The following TMEM63C variants were observed in gnomAD, a reference collection of about 807,000 sequenced individuals.
TMEM63C encodes osmosensitive cation channel TMEM63C.
A neutral mutation model predicts 99.2 loss-of-function variants in TMEM63C; 32 were observed. That is an observed-to-expected ratio of 0.32 (90% confidence interval 0.24 to 0.43). The LOEUF (loss-of-function observed/expected upper bound fraction) is 0.43, where lower values mean the gene tolerates loss of function less well. Among genes scored for constraint, TMEM63C ranks in the 20% least tolerant of loss-of-function variants. The probability of loss-of-function intolerance (pLI) is 1.00; values close to 1 mark genes in which losing one functional copy is unlikely to be tolerated. For missense variants in TMEM63C, 826 were observed against 1,053.0 expected (o/e 0.78, Z 2.98); for synonymous variants, 376 against 397.9 (o/e 0.94, Z 0.66).
chr14:77,202,414 T>C (rs1486571144), intron 1 of TMEM63C, among the ~76,000 whole-genome samples: 4 of 152,102 alleles, frequency 2.6e-5, no homozygotes, highest in Admixed American at 6.5e-5. Context: ...AACTGTGTGG[T>C]TCTGAACAAC....
intron 1 of TMEM63C, among the ~76,000 whole-genome samples, chr14:77,188,478 G>A (rs1318789910): frequency 2.0e-5 from 3 of 152,162 alleles, no homozygotes; most frequent in African/African-American, 2.4e-5. Context: ...TATGACCAAC[G>A]ATTTCACATC....
intron 2 of TMEM63C, among the ~76,000 whole-genome samples, chr14:77,216,057 A>G (rs1888579356): frequency 6.6e-6 from 1 of 152,066 alleles, no homozygotes; most frequent in African/African-American, 2.4e-5. Flanking sequence ...TGAAAGAGAG[A>G]TAGAGAGGGA....
chr14:77,248,249 C>T (rs995607639), intron 18 of TMEM63C, 98 bp from the exon 19 acceptor site: 6 of 1,073,526 alleles, frequency 5.6e-6, no homozygotes, highest in African/African-American at 1.6e-5. Flanking sequence ...CACTCCGATT[C>T]CCATTCCCTC....
At chr14:77,229,844 T>C (rs969546101) in intron 6 of TMEM63C, among the ~76,000 whole-genome samples, 3 of 152,054 alleles carry the variant, frequency 2.0e-5, no homozygotes, top group Non-Finnish European at 4.4e-5. Flanking sequence ...CTATGAGCAC[T>C]TGTTGCTTTT....
intron 9 of TMEM63C, among the ~76,000 whole-genome samples, chr14:77,238,193 C>G (rs1208575576): frequency 2.0e-5 from 3 of 152,192 alleles, no homozygotes; most frequent in Non-Finnish European, 2.9e-5. Flanking sequence ...TACCCTCTCC[C>G]CAGAGTCTTG....
In TMEM63C at chr14:77,239,703, A is replaced by G; in HGVS notation, c.907A>G (p.Lys303Glu). 6.2e-7 allele frequency: 1 copy of G among 1,613,210 alleles called. No homozygotes were observed. The highest frequency in any genetic ancestry group is 8.5e-7 in the Non-Finnish European group (1 of 1,179,716). Residue 303 changes from lysine to glutamate, a missense_variant, in exon 12 of 24, where the codon AAG (lysine) becomes GAG (glutamate). Lys to Glu is a moderately conservative substitution (Grantham distance 56). Transcript: ENST00000298351. ...CCCCTGTGCCCGCCTGTGCTTCTGCAAGTGCTGGACCTGCTTCAAGGAGGT... is the reference window on the plus strand; with the variant it reads ...CCCCTGTGCCCGCCTGTGCTTCTGCGAGTGCTGGACCTGCTTCAAGGAGGT... ...IHPCARLCFC[K>E]CWTCFKEVDA...
chr14:77,239,120 C>T (rs1889111472), intron 10 of TMEM63C, among the ~76,000 whole-genome samples: 1 of 152,244 alleles, frequency 6.6e-6, no homozygotes, highest in African/African-American at 2.4e-5. Flanking sequence ...CCCAAGGACA[C>T]TGTTCACTGA....
intron 22 of TMEM63C, 52 bp from the exon 23 acceptor site, chr14:77,253,253 G>T: frequency 6.4e-7 from 1 of 1,550,622 alleles, no homozygotes; most frequent in East Asian, 2.3e-5. Flanking sequence ...TGGATGAATG[G>T]GGAGGGGCAA....
intron 8 of TMEM63C, 101 bp from the exon 9 acceptor site, chr14:77,236,522 GC>G: frequency 1.3e-6 from 1 of 786,998 alleles, no homozygotes; most frequent in Non-Finnish European, 2.2e-6. Flanking sequence ...GGGCTGGGGG[GC>G]CCCAGGAGAC....
chr14:77,202,825 GCA>G (rs60544528), intron 1 of TMEM63C, among the ~76,000 whole-genome samples: 1,586 of 141,036 alleles, frequency 0.011, 29 homozygotes, highest in African/African-American at 0.029. Flanking sequence ...ACAGGCAGGC[GCA>G]CACACACACA....
chr14:77,250,103 G>A (rs1371551336), intron 21 of TMEM63C, among the ~76,000 whole-genome samples: 1 of 152,190 alleles, frequency 6.6e-6, no homozygotes, highest in Non-Finnish European at 1.5e-5. Flanking sequence ...CCAAAGTGCT[G>A]GGATTATAAG....
chr14:77,194,557 T>TTCTTTTTCTTTCGTTCTTTCTG (rs1555346145), intron 1 of TMEM63C, among the ~76,000 whole-genome samples: 1 of 118,570 alleles, frequency 8.4e-6, no homozygotes, highest in African/African-American at 3.4e-5. Flanking sequence ...TTCTTTCTCT[T>TTCTTTTTCTTTCGTTCTTTCTG]TCTTTCTTTC....
intron 13 of TMEM63C, among the ~76,000 whole-genome samples, chr14:77,241,669 T>C (rs1049570577): frequency 2.6e-5 from 4 of 152,256 alleles, no homozygotes; most frequent in Admixed American, 6.5e-5. Flanking sequence ...GCAAATTTGG[T>C]TACTGATATC....
chr14:77,203,963 C>T (rs1301594291), intron 1 of TMEM63C, among the ~76,000 whole-genome samples: 1 of 152,258 alleles, frequency 6.6e-6, no homozygotes, highest in Non-Finnish European at 1.5e-5. Context: ...TCACCTCCTT[C>T]TCCTCCTTCC....
intron 18 of TMEM63C, among the ~76,000 whole-genome samples, chr14:77,247,381 A>G (rs1042656397): frequency 1.3e-5 from 2 of 152,102 alleles, no homozygotes. Context: ...TTGTATTTTT[A>G]ATAGAGGTGG....
chr14:77,215,558 G>A (rs1888564229), intron 2 of TMEM63C, among the ~76,000 whole-genome samples: 1 of 138,082 alleles, frequency 7.2e-6, no homozygotes, highest in Non-Finnish European at 1.5e-5. Context: ...CCAAGATGGT[G>A]CCACTGCACT....
chr14:77,238,239 G>T (rs1889094849), intron 9 of TMEM63C, among the ~76,000 whole-genome samples: 1 of 152,222 alleles, frequency 6.6e-6, no homozygotes, highest in African/African-American at 2.4e-5. Context: ...TCTCACGTGA[G>T]GGATTTCCCT....
At chr14:77,254,773 A>C (rs905208276) in intron 23 of TMEM63C, among the ~76,000 whole-genome samples, 2 of 152,194 alleles carry the variant, frequency 1.3e-5, no homozygotes, top group African/African-American at 4.8e-5. Flanking sequence ...ATCTTGCCTT[A>C]TTACCACAGG....
rs1192144357 is a variant in TMEM63C at position 77,239,667 on chromosome 14, A to C, written c.871A>C (p.Ile291Leu). The C allele has an allele frequency of 6.6e-5, 106 of 1,612,960 alleles. No individual in the cohort carries two copies. The highest frequency in any genetic ancestry group is 9.0e-5 in the Non-Finnish European group (106 of 1,179,424). The change falls in exon 12 of 24, where the codon ATC becomes CTC. Residue 291 changes from isoleucine (I) to leucine (L), a missense_variant. Coordinates refer to ENST00000298351, the MANE Select transcript of TMEM63C (RefSeq NM_020431.4). Reference sequence around the variant, plus strand: ...GGCCAAGAAGACTGGGAAGGTGATGATCAGGATCCACCCCTGTGCCCGCCT... The same window carrying C: ...GGCCAAGAAGACTGGGAAGGTGATGCTCAGGATCCACCCCTGTGCCCGCCT... ...AKAKKTGKVM[I>L]RIHPCARLCF...
Sources: allele counts gnomAD v4.1 joint callset (sites outside exome capture counted in the v4.1 genomes callset), GRCh38; gene constraint gnomAD v4.1.1; transcripts MANE v1.5; gene names NCBI Gene and HGNC (gene_info 2026-07-23, HGNC 2026-07-21).